Variants in SLC38A12 observed in about 807,000 individuals in gnomAD.
SLC38A12 encodes the protein solute carrier family 38 member 12.
the SLC38A12 span, among the ~76,000 whole-genome samples, chr17:74,793,231 G>GGCCT: frequency 6.6e-6 from 1 of 152,128 alleles, no homozygotes; most frequent in Non-Finnish European, 1.5e-5. Flanking sequence ...CCTCCTTGTG[G>GGCCT]GCCTGTTCTG....
the SLC38A12 span, among the ~76,000 whole-genome samples, chr17:74,781,805 A>G: frequency 3.3e-5 from 5 of 152,170 alleles, no homozygotes; most frequent in African/African-American, 4.8e-5. Context: ...CCCCTGTGCC[A>G]TCCAAAAGGG....
the SLC38A12 span, chr17:74,836,403 A>T: frequency 6.2e-7 from 1 of 1,611,360 alleles, no homozygotes; most frequent in Non-Finnish European, 8.5e-7. This position sits in a 1 kb window ranked among gnomAD's most constrained non-coding sequence, Gnocchi z 4.2. Context: ...GTTTCCCACC[A>T]TCACCCTGGT....
chr17:74,837,692 G>C, the SLC38A12 span: 3 of 985,722 alleles, frequency 3.0e-6, no homozygotes, highest in Non-Finnish European at 3.6e-6. Context: ...GGGGTTGGAT[G>C]GGGCCCCCAC....
At chr17:74,788,712 C>A in the SLC38A12 span, 1 of 1,340,102 alleles carries the variant, frequency 7.5e-7, no homozygotes. Flanking sequence ...CTGGTCGGTT[C>A]TTACAATGGT....
the SLC38A12 span, among the ~76,000 whole-genome samples, chr17:74,826,370 A>G: frequency 2.0e-5 from 3 of 152,324 alleles, no homozygotes; most frequent in Non-Finnish European, 4.4e-5. Context: ...TAATTTAGCC[A>G]CAGGATAGAA....
chr17:74,785,208 G>T, the SLC38A12 span, among the ~76,000 whole-genome samples: 17 of 152,232 alleles, frequency 1.1e-4, no homozygotes, highest in Admixed American at 6.5e-5. Flanking sequence ...GCAGCTTTAG[G>T]AGGGGACGGC....
At chr17:74,836,118 T>G in the SLC38A12 span, 1 of 1,613,960 alleles carries the variant, frequency 6.2e-7, no homozygotes, top group East Asian at 2.2e-5. The surrounding 1 kb of genome is among the most constrained non-coding windows in gnomAD (Gnocchi z 4.2). Flanking sequence ...AAGGCTGGTG[T>G]TCCTGGACTA....
chr17:74,811,951 CGG>C, the SLC38A12 span, among the ~76,000 whole-genome samples: 1 of 151,614 alleles, frequency 6.6e-6, no homozygotes, highest in South Asian at 2.1e-4. Flanking sequence ...GAGGCTTAGG[CGG>C]GCAGATCGCT....
chr17:74,791,577 G>T, the SLC38A12 span, among the ~76,000 whole-genome samples: 1 of 152,274 alleles, frequency 6.6e-6, no homozygotes, highest in Non-Finnish European at 1.5e-5. Context: ...TCTTCTGGCC[G>T]ATTCTGTCTA....
chr17:74,825,838 C>T, the SLC38A12 span, among the ~76,000 whole-genome samples: 1 of 152,168 alleles, frequency 6.6e-6, no homozygotes, highest in Non-Finnish European at 1.5e-5. Flanking sequence ...AACCTTGCAG[C>T]AAGTCAGGCC....
chr17:74,787,599 G>A, the SLC38A12 span, among the ~76,000 whole-genome samples: 15 of 147,750 alleles, frequency 1.0e-4, no homozygotes, highest in East Asian at 8.1e-4. Flanking sequence ...TCCGCAGTCC[G>A]GCCTGGGCGA....
At chr17:74,791,160 G>C in the SLC38A12 span, 2 of 802,232 alleles carry the variant, frequency 2.5e-6, no homozygotes, top group Non-Finnish European at 4.0e-6. Flanking sequence ...AGGTGGTAGA[G>C]CTGCTCCCTC....
At chr17:74,838,053 C>T in the SLC38A12 span, 21 of 985,884 alleles carry the variant, frequency 2.1e-5, no homozygotes, top group South Asian at 3.8e-4. Flanking sequence ...TAGGGTCTCC[C>T]GGGGCCCAAG....
Sources: allele counts gnomAD v4.1 joint callset (sites outside exome capture counted in the v4.1 genomes callset), GRCh38; gene constraint gnomAD v4.1.1; non-coding constraint Gnocchi (gnomAD v3.1); transcripts MANE v1.5; gene names NCBI Gene and HGNC (gene_info 2026-07-23, HGNC 2026-07-21).